Variants in TRPM1 observed in about 807,000 individuals in gnomAD.
TRPM1 encodes the protein TRPM1-203 APA Isoform, Intron 10.
TRPM1 carries 113 observed loss-of-function variants against 149.4 expected under a neutral mutation model. That is an observed-to-expected ratio of 0.76 (90% CI 0.65 to 0.88). The LOEUF is 0.88. TRPM1 is among the 40% of genes least tolerant of loss of function. The pLI is 0.00. For synonymous variants in TRPM1, 741 were observed against 759.5 expected, an observed-to-expected ratio of 0.98 and a Z score of 0.40; for missense variants, 1,976 against 2,038.7, an observed-to-expected ratio of 0.97 and a Z score of 0.59.
In TRPM1 at chr15:31,049,604, G is replaced by A. The variant is rs889660145; in HGVS notation, c.1438-95C>T. 26 of 1,444,616 alleles carry A rather than the reference G, an allele frequency of 1.8e-5. No homozygotes were observed. The Admixed American group carries it at 2.5e-4, about 14-fold the overall frequency. 89.5% of individuals were successfully genotyped at this position (1,444,616 alleles called of 1,614,324 possible). A position where few individuals can be genotyped will look rare whatever the true frequency, so the allele number is the denominator to read the frequency against. ...ACACAGAGGAAAGGGTATTCCGAAC[G>A]CCAGATTCCAGAGCACTCCAGCATG... On this transcript the variant is annotated intron_variant, in intron 12 of 27. Coordinates refer to ENST00000256552, the MANE Select transcript of TRPM1 (RefSeq NM_001252024.2).
Position 31,042,140 on chromosome 15 carries a change from G to C in TRPM1, c.1898C>G (p.Pro633Arg). 3 of 1,614,144 alleles carry C rather than the reference G, an allele frequency of 1.9e-6. No individual in the cohort carries two copies. Among genetic ancestry groups the C allele is most frequent in the Non-Finnish European group, 2.5e-6 (3 of 1,180,040 alleles). ...TGCCCACACCATCAGCTCGTGGAAG[G>C]GATACTGGAACCGACTCACGGCAGG... ...DDPAVSRFQY[P>R]FHELMVWAVL... Residue 633 changes from proline (P) to arginine (R), a missense_variant, in exon 17 of 28, where the codon CCC becomes CGC. Transcript: ENST00000256552.
At chr15:31,025,987 T>A in intron 27 of TRPM1, 152 bp downstream of exon 27, 1 of 1,095,382 alleles carries the variant, frequency 9.1e-7, no homozygotes, top group South Asian at 1.3e-5. Context: ...TTTCTCACTA[T>A]TTCGTGGGAA....
At chr15:31,140,104 T>C (rs1313298211) in intron 1 of TRPM1, among the ~76,000 whole-genome samples, 1 of 151,790 alleles carries the variant, frequency 6.6e-6, no homozygotes, top group African/African-American at 2.4e-5. Flanking sequence ...CGGTGGCTCA[T>C]GCCTGTAATC....
intron 1 of TRPM1, among the ~76,000 whole-genome samples, chr15:31,129,705 A>C (rs548577594): frequency 2.0e-4 from 30 of 152,336 alleles, no homozygotes; most frequent in African/African-American, 6.7e-4. Context: ...TATGCTAAAC[A>C]TAGCCCAGAT....
chr15:31,081,902 G>A (rs2034868534), intron 1 of TRPM1, among the ~76,000 whole-genome samples: 1 of 152,178 alleles, frequency 6.6e-6, no homozygotes, highest in Non-Finnish European at 1.5e-5. Context: ...GGAGGAGCTT[G>A]GTCTCCTGAA....
chr15:31,068,153 G>T, intron 4 of TRPM1, 61 bp from the exon 5 acceptor site: 3 of 1,450,018 alleles, frequency 2.1e-6, no homozygotes, highest in East Asian at 4.5e-5. Flanking sequence ...TGTCAAAGGG[G>T]AGTGAGGCTA....
At chr15:31,037,631 C>A (rs1028966451) in intron 20 of TRPM1, 80 bp downstream of exon 20, 1 of 1,586,328 alleles carries the variant, frequency 6.3e-7, no homozygotes, top group Admixed American at 1.7e-5. Context: ...CTTTTTTAAG[C>A]CCTTGAAGTT....
chr15:31,077,291 A>G (rs1260845863), intron 2 of TRPM1, among the ~76,000 whole-genome samples: 1 of 152,180 alleles, frequency 6.6e-6, no homozygotes, highest in Non-Finnish European at 1.5e-5. Flanking sequence ...ACTGCAGTGC[A>G]AGTGTTGTTT....
At chr15:31,134,738 A>T (rs1468649386) in intron 1 of TRPM1, among the ~76,000 whole-genome samples, 1 of 152,250 alleles carries the variant, frequency 6.6e-6, no homozygotes, top group Non-Finnish European at 1.5e-5. Flanking sequence ...AAGGTGGCTC[A>T]TACCTGTAAT....
intron 1 of TRPM1, among the ~76,000 whole-genome samples, chr15:31,144,391 C>T (rs529028506): frequency 3.9e-5 from 6 of 152,178 alleles, no homozygotes; most frequent in South Asian, 2.1e-4. Context: ...GAGCCATGAC[C>T]GCACCATTGT....
intron 7 of TRPM1, chr15:31,065,227 C>A: frequency 2.1e-6 from 1 of 472,864 alleles, no homozygotes; most frequent in Non-Finnish European, 4.3e-6. Flanking sequence ...ATGTATTCTT[C>A]GAGATCTGAT....
chr15:31,150,447 T>TC (rs996638878), intron 1 of TRPM1, among the ~76,000 whole-genome samples: 4 of 148,048 alleles, frequency 2.7e-5, no homozygotes, highest in African/African-American at 5.0e-5. Context: ...TTTTTTTTTT[T>TC]TTTTTTTGAG....
At chr15:31,135,329 A>T (rs1266858320) in intron 1 of TRPM1, among the ~76,000 whole-genome samples, 1 of 152,184 alleles carries the variant, frequency 6.6e-6, no homozygotes, top group Non-Finnish European at 1.5e-5. Flanking sequence ...GAGAAGGCCA[A>T]ATAAAATAAA....
chr15:31,006,076 T>C (rs1294290882), intron 27 of TRPM1, among the ~76,000 whole-genome samples: 1 of 152,234 alleles, frequency 6.6e-6, no homozygotes, highest in Non-Finnish European at 1.5e-5. Context: ...GTGAAAAATA[T>C]TTTTCAGCAC....
intron 11 of TRPM1, among the ~76,000 whole-genome samples, chr15:31,051,088 C>T (rs550542429): frequency 2.1e-3 from 315 of 152,260 alleles, no homozygotes; most frequent in Middle Eastern, 6.8e-3. Context: ...AGCTTATCGG[C>T]GGGTAAAGAA....
chr15:31,015,760 G>A lies in TRPM1; in HGVS notation c.3629+10379C>T, dbSNP rs538744488. Among the ~76,000 whole-genome samples, 21 of 152,242 alleles carry A rather than the reference G, an allele frequency of 1.4e-4. 1 individual carries two copies. The South Asian group carries it at 3.7e-3, about 27-fold the overall frequency. On this transcript the variant is annotated intron_variant, in intron 27 of 27. Transcript: ENST00000256552. ...ATACTATGTAAAGTGCTATGAAAAT[G>A]TAGCTTTAACTCTTTCCTTCCATCC...
chr15:31,159,337 C>A (rs1402742350), intron 1 of TRPM1, among the ~76,000 whole-genome samples: 1 of 152,144 alleles, frequency 6.6e-6, no homozygotes, highest in Non-Finnish European at 1.5e-5. Context: ...AATTCAAGAA[C>A]AACAAAAGCC....
In TRPM1 at chr15:31,032,712, A is replaced by G. The variant is rs1448934211; in HGVS notation, c.2929T>C (p.Tyr977His). 1.9e-6 allele frequency: 3 copies of G among 1,614,074 alleles called. No homozygotes were observed. The highest frequency in any genetic ancestry group is 2.5e-6 in the Non-Finnish European group (3 of 1,180,038). The change falls in exon 22 of 28, where the codon TAC becomes CAC. Residue 977 changes from tyrosine (Y) to histidine (H), a missense_variant. By Grantham distance (83) the Tyr-to-His change is moderately conservative. Around this residue, in one of 3 missense-constraint regions of TRPM1, gnomAD observed 1,332 missense variants for 1,347.1 expected, o/e 0.99. Transcript: ENST00000256552. ...ACCATCTTTCCAATCATCATCACGT[A>G]TGGCCCCAGATACTTGTTGACACCA... ...IFGVNKYLGP[Y>H]VMMIGKMMID...
At chr15:31,069,939 A>T (rs1455178285) in intron 4 of TRPM1, 92 bp downstream of exon 4, 13 of 1,612,274 alleles carry the variant, frequency 8.1e-6, no homozygotes, top group Admixed American at 3.3e-5. Flanking sequence ...ACAGCCATGA[A>T]GAAGACCAGG....
Sources: allele counts gnomAD v4.1 joint callset (sites outside exome capture counted in the v4.1 genomes callset), GRCh38; gene constraint gnomAD v4.1.1; regional missense constraint gnomAD v4.1.1; transcripts MANE v1.5; gene names NCBI Gene and HGNC (gene_info 2026-07-23, HGNC 2026-07-21).